The following PCBP3 variants were observed in gnomAD, a reference collection of about 807,000 sequenced individuals.
PCBP3 encodes the protein poly(rC) binding protein 3, also known as poly(rC)-binding protein 3.
Under a neutral mutation model 52.7 loss-of-function variants are expected in PCBP3, and 25 were observed. The ratio of observed to expected loss-of-function variants is 0.47; its 90% CI spans 0.35 to 0.66. The LOEUF is 0.66. Among genes scored for constraint, PCBP3 ranks in the 30% least tolerant of loss-of-function variants. The pLI is 0.01. For synonymous variants in PCBP3, 162 were observed against 183.0 expected, an observed-to-expected ratio of 0.89 and a Z score of 0.93; for missense variants, 391 against 490.3, an observed-to-expected ratio of 0.80 and a Z score of 1.91.
intron 2 of PCBP3, among the ~76,000 whole-genome samples, chr21:45,694,374 G>A (rs1405861524): frequency 6.6e-6 from 1 of 152,056 alleles, no homozygotes; most frequent in Non-Finnish European, 1.5e-5. Flanking sequence ...AAGTAGACGA[G>A]AAAAATCTAT....
At chr21:45,780,196 C>G (rs2146027702) in intron 4 of PCBP3, among the ~76,000 whole-genome samples, 1 of 152,328 alleles carries the variant, frequency 6.6e-6, no homozygotes, top group South Asian at 2.1e-4. Flanking sequence ...ACCGTGTGAT[C>G]TTGCGTGAGG....
intron 3 of PCBP3, among the ~76,000 whole-genome samples, chr21:45,742,649 A>G (rs1348813775): frequency 6.6e-6 from 1 of 152,170 alleles, no homozygotes. Flanking sequence ...GTGAAGATCT[A>G]AGTTATTTTT....
intron 1 of PCBP3, among the ~76,000 whole-genome samples, chr21:45,658,156 C>G (rs528837243): frequency 3.3e-3 from 496 of 152,210 alleles, no homozygotes; most frequent in Non-Finnish European, 6.2e-3. Context: ...TGCATCTATA[C>G]TGTTATTTTT....
At chr21:45,783,715 T>C (rs959094736) in intron 4 of PCBP3, among the ~76,000 whole-genome samples, 1 of 152,220 alleles carries the variant, frequency 6.6e-6, no homozygotes, top group Non-Finnish European at 1.5e-5. Context: ...CCTGTGCTCT[T>C]GGGGCCAACT....
intron 2 of PCBP3, among the ~76,000 whole-genome samples, chr21:45,731,321 A>G (rs1053707428): frequency 6.6e-6 from 1 of 152,220 alleles, no homozygotes; most frequent in Non-Finnish European, 1.5e-5. Flanking sequence ...CTCCCTGAAC[A>G]ACGCTGAAAA....
At chr21:45,786,248 G>A (rs1160770014) in intron 4 of PCBP3, among the ~76,000 whole-genome samples, 2 of 148,662 alleles carry the variant, frequency 1.3e-5, no homozygotes, top group Admixed American at 6.7e-5. Flanking sequence ...AGAGAGTCTT[G>A]TTTTCCATTG....
chr21:45,739,311 A>C (rs1170102631), intron 3 of PCBP3, among the ~76,000 whole-genome samples: 2 of 55,278 alleles, frequency 3.6e-5, no homozygotes, highest in Admixed American at 2.8e-4. Flanking sequence ...CTTCCTGTGC[A>C]TTGTCCTCTG....
chr21:45,913,527 G>A (rs2096444188), intron 11 of PCBP3, among the ~76,000 whole-genome samples: 1 of 152,196 alleles, frequency 6.6e-6, no homozygotes, highest in Non-Finnish European at 1.5e-5. Context: ...CCCGGTGGAG[G>A]GGCCAGCACC....
Position 45,656,970 on chromosome 21 carries a change from C to T in PCBP3, c.-278-11904C>T, listed in dbSNP as rs937012896. 4.6e-5 allele frequency among the ~76,000 whole-genome samples: 7 copies of T among 152,018 alleles called. No homozygotes were observed. The highest frequency in any genetic ancestry group is 8.8e-5 in the Non-Finnish European group (6 of 68,000). On this transcript the variant is annotated intron_variant, in intron 1 of 17. Coordinates refer to ENST00000681687, the MANE Select transcript of PCBP3 (RefSeq NM_001384156.1). This position sits in a 1 kb window ranked among gnomAD's most constrained non-coding sequence, Gnocchi z 4.3. ...CCGAGTAGCTGGGACTACAGGTGCC[C>T]GCCACTGCGCCTGGCTAATTTTTTG...
chr21:45,922,896 G>A (rs1215390144), intron 13 of PCBP3, among the ~76,000 whole-genome samples: 8 of 152,364 alleles, frequency 5.3e-5, no homozygotes, highest in East Asian at 3.9e-4. Context: ...GTGCAGCAAC[G>A]CTGGGAATCA....
chr21:45,831,464 A>T (rs984058096), intron 4 of PCBP3, among the ~76,000 whole-genome samples: 3 of 152,004 alleles, frequency 2.0e-5, no homozygotes, highest in Non-Finnish European at 4.4e-5. Context: ...GAATTAATGG[A>T]AGAAAACATG....
At chr21:45,705,443 C>G (rs1001859131) in intron 2 of PCBP3, among the ~76,000 whole-genome samples, 16 of 152,232 alleles carry the variant, frequency 1.1e-4, no homozygotes, top group Non-Finnish European at 2.4e-4. Flanking sequence ...GTCCCCTGTG[C>G]ACATAGAGAC....
At chr21:45,649,889 A>C (rs1454169643) in intron 1 of PCBP3, among the ~76,000 whole-genome samples, 1 of 152,110 alleles carries the variant, frequency 6.6e-6, no homozygotes, top group East Asian at 1.9e-4. Context: ...ATAGATTTTG[A>C]ATTTTCTCAA....
At chr21:45,938,447 C>T (rs533245085) in intron 16 of PCBP3, among the ~76,000 whole-genome samples, 12 of 152,324 alleles carry the variant, frequency 7.9e-5, no homozygotes, top group African/African-American at 2.9e-4. Context: ...CTGTCCCTGG[C>T]CCCCATCAGA....
In PCBP3 at chr21:45,853,794, A is replaced by G. The variant is rs1317768257; in HGVS notation, c.10+3699A>G. Reference sequence around the variant, plus strand: ...ATACACACATACTTTGCAAGAGCATATGTGAGTAAGAGTCAGGCACTCGGT... The same window carrying G: ...ATACACACATACTTTGCAAGAGCATGTGTGAGTAAGAGTCAGGCACTCGGT... On this transcript the variant is annotated intron_variant, in intron 5 of 17. Coordinates refer to ENST00000681687, the MANE Select transcript of PCBP3 (RefSeq NM_001384156.1). This position sits in a 1 kb window ranked among gnomAD's most constrained non-coding sequence, Gnocchi z 4.6. Among the ~76,000 whole-genome samples, 1 of 152,202 alleles carries G rather than the reference A, an allele frequency of 6.6e-6. No individual in the cohort carries two copies. The highest frequency in any genetic ancestry group is 6.5e-5 in the Admixed American group (1 of 15,280).
At chr21:45,785,513 G>T (rs1277941049) in intron 4 of PCBP3, among the ~76,000 whole-genome samples, 1 of 149,688 alleles carries the variant, frequency 6.7e-6, no homozygotes, top group Non-Finnish European at 1.5e-5. Flanking sequence ...GGGAGGGGGG[G>T]GGGTCAGCCC....
chr21:45,765,327 C>T (rs1027630721), intron 4 of PCBP3, among the ~76,000 whole-genome samples: 6 of 152,124 alleles, frequency 3.9e-5, no homozygotes, highest in Non-Finnish European at 5.9e-5. Context: ...CAGGTTGGGG[C>T]GGGCATTGGC....
At chr21:45,883,203 T>C (rs566303479) in intron 5 of PCBP3, among the ~76,000 whole-genome samples, 21 of 152,368 alleles carry the variant, frequency 1.4e-4, no homozygotes, top group African/African-American at 5.0e-4. Context: ...GGAACTTTTC[T>C]TGTTATCTTT....
At position 45,695,846 on chromosome 21, in the gene PCBP3, C is replaced by T. The variant is rs184154356; in HGVS notation, c.-200+26894C>T. 3.0e-3 allele frequency among the ~76,000 whole-genome samples: 457 copies of T among 151,688 alleles called. 1 individual carries two copies. The highest frequency in any genetic ancestry group is 0.01 in the African/African-American group (416 of 41,348). On this transcript the variant is annotated intron_variant, in intron 2 of 17. Coordinates refer to ENST00000681687, the MANE Select transcript of PCBP3 (RefSeq NM_001384156.1). ...GTGTAATCCCAGCACTTTGGGAGGC[C>T]GAGGCAGGTGGGTCACGAGGTCAGG...
Sources: allele counts gnomAD v4.1 joint callset (sites outside exome capture counted in the v4.1 genomes callset), GRCh38; gene constraint gnomAD v4.1.1; non-coding constraint Gnocchi (gnomAD v3.1); transcripts MANE v1.5; gene names NCBI Gene and HGNC (gene_info 2026-07-23, HGNC 2026-07-21).